Variants in WWOX observed in about 807,000 individuals in gnomAD.
The protein encoded by WWOX is WW domain-containing oxidoreductase.
Under a neutral mutation model 46.2 loss-of-function variants are expected in WWOX, and 69 were observed. That is an observed-to-expected ratio of 1.49 (90% confidence interval 1.23 to 1.82). The LOEUF (loss-of-function observed/expected upper bound fraction) is 1.82. WWOX is among the 40% of genes most tolerant of loss of function. The pLI is 0.00. For synonymous variants in WWOX, 359 were observed against 202.6 expected (o/e 1.77, Z -6.56); for missense variants, 919 against 542.6 (o/e 1.69, Z -6.89).
chr16:78,568,167 C>A (rs115881185), intron 8 of WWOX, among the ~76,000 whole-genome samples: 2,922 of 152,220 alleles, frequency 0.019, 57 homozygotes, highest in African/African-American at 0.047. Context: ...ATGCCACTTT[C>A]ACCAAAAATC....
At chr16:78,968,517 A>G (rs531090058) in intron 8 of WWOX, among the ~76,000 whole-genome samples, 3 of 152,320 alleles carry the variant, frequency 2.0e-5, no homozygotes, top group African/African-American at 7.2e-5. Flanking sequence ...TAACCATCAC[A>G]AGCAACGGGA....
intron 6 of WWOX, among the ~76,000 whole-genome samples, chr16:78,405,863 G>C (rs529089889): frequency 1.1e-4 from 16 of 152,212 alleles, no homozygotes; most frequent in African/African-American, 3.6e-4. Flanking sequence ...CACACATAAT[G>C]AGAGGCAGAC....
intron 8 of WWOX, among the ~76,000 whole-genome samples, chr16:78,669,194 C>T (rs1331630344): frequency 6.6e-6 from 1 of 152,192 alleles, no homozygotes; most frequent in Non-Finnish European, 1.5e-5. Context: ...TTCCTTCACA[C>T]ACTCCCTTGC....
intron 4 of WWOX, among the ~76,000 whole-genome samples, chr16:78,120,442 C>T (rs901595169): frequency 6.6e-6 from 1 of 151,866 alleles, no homozygotes; most frequent in Non-Finnish European, 1.5e-5. Flanking sequence ...CAGTGGCGGG[C>T]GCCTGTAGTC....
intron 8 of WWOX, among the ~76,000 whole-genome samples, chr16:78,990,234 C>T (rs1253377416): frequency 6.6e-6 from 1 of 151,264 alleles, no homozygotes; most frequent in South Asian, 2.1e-4. Flanking sequence ...TGATCAGCAT[C>T]TCAGATTAAG....
chr16:78,828,547 T>C (rs1416440188), intron 8 of WWOX, among the ~76,000 whole-genome samples: 1 of 149,996 alleles, frequency 6.7e-6, no homozygotes, highest in Non-Finnish European at 1.5e-5. Flanking sequence ...ATAATAATAA[T>C]TTAATTTATA....
At chr16:78,368,893 A>G (rs1180813276) in intron 5 of WWOX, among the ~76,000 whole-genome samples, 2 of 152,130 alleles carry the variant, frequency 1.3e-5, no homozygotes, top group Admixed American at 1.3e-4. Context: ...AGAATGGTAC[A>G]TCCCACCACT....
chr16:78,473,771 C>T (rs60074816), intron 8 of WWOX, among the ~76,000 whole-genome samples: 6 of 152,184 alleles, frequency 3.9e-5, no homozygotes, highest in East Asian at 3.9e-4. Flanking sequence ...GCTGAAGATA[C>T]GGCAGCCCAC....
intron 8 of WWOX, among the ~76,000 whole-genome samples, chr16:78,566,315 A>C (rs929986939): frequency 1.3e-5 from 2 of 152,330 alleles, no homozygotes; most frequent in South Asian, 4.1e-4. Flanking sequence ...ACATACATTT[A>C]GTCCATAACA....
Position 78,774,527 on chromosome 16 carries a change from TGTGTGC to T in WWOX, c.1056+341777_1056+341782del, listed in dbSNP as rs1421710067. On this transcript the variant is annotated intron_variant, in intron 8 of 8. Transcript: ENST00000566780. ...GTGTGTGTGTGTGTGTGTGTGTGTG[TGTGTGC>T]GCGTGCGCACACGCATGAGCCTGTA... 6.4e-3 allele frequency among the ~76,000 whole-genome samples: 736 copies of T among 114,834 alleles called. 7 individuals carry two copies. Among genetic ancestry groups the T allele is most frequent in the South Asian group, 0.031 (112 of 3,590 alleles). The allele number at this position is 114,834 out of a possible 152,430, so 75.3% of individuals were successfully genotyped here.
intron 8 of WWOX, among the ~76,000 whole-genome samples, chr16:78,752,367 A>C (rs1475434809): frequency 6.6e-6 from 1 of 152,164 alleles, no homozygotes; most frequent in Non-Finnish European, 1.5e-5. Context: ...AGCTTACTGC[A>C]ACCTCTGCCT....
intron 8 of WWOX, among the ~76,000 whole-genome samples, chr16:78,582,256 T>G (rs988612671): frequency 2.6e-5 from 4 of 152,180 alleles, no homozygotes; most frequent in Non-Finnish European, 5.9e-5. Flanking sequence ...AAAAATCAAG[T>G]AAGATCTATA....
intron 8 of WWOX, among the ~76,000 whole-genome samples, chr16:78,458,405 C>T (rs2083876655): frequency 6.6e-6 from 1 of 151,866 alleles, no homozygotes; most frequent in African/African-American, 2.4e-5. Flanking sequence ...GGACTATTGG[C>T]AATGCCACCA....
At chr16:78,863,609 C>G (rs2737290) in intron 8 of WWOX, among the ~76,000 whole-genome samples, 2 of 152,208 alleles carry the variant, frequency 1.3e-5, no homozygotes, top group East Asian at 1.9e-4. Context: ...CAACCATAAG[C>G]TGTATTCAGG....
intron 8 of WWOX, among the ~76,000 whole-genome samples, chr16:78,597,760 G>GTATA (rs66672636): frequency 7.7e-4 from 112 of 144,896 alleles, no homozygotes; most frequent in African/African-American, 2.5e-3. Context: ...ATTTATATGT[G>GTATA]TATATATATA....
intron 8 of WWOX, among the ~76,000 whole-genome samples, chr16:78,524,574 C>G (rs767613261): frequency 6.6e-6 from 1 of 151,760 alleles, no homozygotes; most frequent in African/African-American, 2.4e-5. Context: ...TTGTGCACCA[C>G]CAGGCTCTGC....
intron 8 of WWOX, among the ~76,000 whole-genome samples, chr16:78,990,106 C>T (rs570620443): frequency 5.3e-5 from 8 of 151,474 alleles, no homozygotes; most frequent in African/African-American, 1.7e-4. Context: ...ATCTTTAGAG[C>T]CCAGGAAGTC....
At chr16:78,588,068 C>G (rs541885638) in intron 8 of WWOX, among the ~76,000 whole-genome samples, 1 of 152,166 alleles carries the variant, frequency 6.6e-6, no homozygotes, top group South Asian at 2.1e-4. Flanking sequence ...GTGGTGGTCA[C>G]AGCCCTGCTT....
intron 8 of WWOX, among the ~76,000 whole-genome samples, chr16:78,823,670 C>G (rs1476120464): frequency 6.6e-6 from 1 of 152,120 alleles, no homozygotes; most frequent in African/African-American, 2.4e-5. Context: ...CGTATCTGTG[C>G]AAATGTGTGC....
Sources: gnomAD v4.1 joint callset for allele counts (sites outside exome capture counted in the v4.1 genomes callset) on GRCh38, gnomAD v4.1.1 for gene constraint, MANE v1.5 for transcripts, NCBI Gene and HGNC (gene_info 2026-07-23, HGNC 2026-07-21) for gene names.